Variants in SLC4A10 observed in about 807,000 individuals in gnomAD.
The protein encoded by SLC4A10 is sodium-driven chloride bicarbonate exchanger.
Under a neutral mutation model 137.7 loss-of-function variants are expected in SLC4A10, and 42 were observed. The ratio of observed to expected loss-of-function variants is 0.30; its 90% CI spans 0.24 to 0.39. The LOEUF (loss-of-function observed/expected upper bound fraction) is 0.39. Ranked by LOEUF, SLC4A10 falls within the 10% of genes least tolerant of loss-of-function variation. The probability of loss-of-function intolerance (pLI) is 1.00; values close to 1 mark genes in which losing one functional copy is unlikely to be tolerated. For synonymous variants in SLC4A10, 474 were observed against 464.1 expected, an observed-to-expected ratio of 1.02 and a Z score of -0.27; for missense variants, 925 against 1,355.0, an observed-to-expected ratio of 0.68 and a Z score of 4.98.
chr2:161,917,425 A>G (rs1687312117), intron 15 of SLC4A10, among the ~76,000 whole-genome samples: 1 of 151,948 alleles, frequency 6.6e-6, no homozygotes, highest in South Asian at 2.1e-4. Flanking sequence ...AGATAGTTGT[A>G]GATACCTAGA....
intron 21 of SLC4A10, among the ~76,000 whole-genome samples, chr2:161,959,191 C>A (rs965766326): frequency 6.6e-6 from 1 of 152,018 alleles, no homozygotes; most frequent in African/African-American, 2.4e-5. Flanking sequence ...CGGGGGTTTT[C>A]CCCCTTGTTT....
At chr2:161,889,726 A>T (rs1276092876) in intron 10 of SLC4A10, among the ~76,000 whole-genome samples, 1 of 152,090 alleles carries the variant, frequency 6.6e-6, no homozygotes, top group African/African-American at 2.4e-5. Flanking sequence ...TCTTTTCAAA[A>T]AACCAGCTCT....
At position 161,983,181 on chromosome 2, in the gene SLC4A10, T is replaced by C. The variant is rs1373433913; in HGVS notation, c.*29T>C. Reference sequence around the variant, plus strand: ...GTGTCCTTTTTTTCCTTCTGTAGCATTGAAAGCCGAAAAGAGAAGAAAGCT... The same window carrying C: ...GTGTCCTTTTTTTCCTTCTGTAGCACTGAAAGCCGAAAAGAGAAGAAAGCT... On this transcript the variant is annotated splice_region_variant and 3_prime_UTR_variant, in exon 27 of 27. Coordinates refer to ENST00000446997, the MANE Select transcript of SLC4A10 (RefSeq NM_001178015.2). 2 of 1,536,758 alleles carry C rather than the reference T, an allele frequency of 1.3e-6. No individual in the cohort carries two copies. The highest frequency in any genetic ancestry group is 1.2e-5 in the South Asian group (1 of 84,038).
intron 23 of SLC4A10, among the ~76,000 whole-genome samples, chr2:161,972,345 C>T (rs567325133): frequency 1.3e-5 from 2 of 152,232 alleles, no homozygotes; most frequent in African/African-American, 4.8e-5. Context: ...CCCCTGACCG[C>T]CAGGATGTGC....
chr2:161,761,532 C>T (rs765468109), intron 1 of SLC4A10, among the ~76,000 whole-genome samples: 12 of 151,792 alleles, frequency 7.9e-5, no homozygotes, highest in Non-Finnish European at 1.6e-4. Flanking sequence ...TCCAGAAGGA[C>T]CCTCAAGAAC....
intron 1 of SLC4A10, among the ~76,000 whole-genome samples, chr2:161,695,852 G>A (rs1180810199): frequency 6.6e-6 from 1 of 151,976 alleles, no homozygotes; most frequent in Non-Finnish European, 1.5e-5. Context: ...AGGAACAAAT[G>A]TTTAGTGATA....
At chr2:161,637,096 TATATAC>T (rs2034544275) in intron 1 of SLC4A10, among the ~76,000 whole-genome samples, 1 of 125,108 alleles carries the variant, frequency 8.0e-6, no homozygotes, top group African/African-American at 2.8e-5. Context: ...TACATATACG[TATATAC>T]GTATTTATGT....
At chr2:161,708,951 T>C (rs1259729655) in intron 1 of SLC4A10, 2 of 1,162,340 alleles carry the variant, frequency 1.7e-6, no homozygotes, top group Non-Finnish European at 2.3e-6. Context: ...CCTTAGGATA[T>C]TTGAACAAGT....
At chr2:161,696,774 A>G (rs1002671702) in intron 1 of SLC4A10, among the ~76,000 whole-genome samples, 30 of 152,088 alleles carry the variant, frequency 2.0e-4, no homozygotes, top group Non-Finnish European at 3.5e-4. Context: ...ATACGTGTGC[A>G]TGTGTCTTTA....
At chr2:161,668,632 A>C (rs1242545232) in intron 1 of SLC4A10, among the ~76,000 whole-genome samples, 1 of 151,896 alleles carries the variant, frequency 6.6e-6, no homozygotes, top group African/African-American at 2.4e-5. Context: ...AATATATTTT[A>C]CTGGTTCAGG....
At chr2:161,719,630 A>G (rs1216656344) in intron 1 of SLC4A10, among the ~76,000 whole-genome samples, 1 of 151,976 alleles carries the variant, frequency 6.6e-6, no homozygotes, top group Non-Finnish European at 1.5e-5. Flanking sequence ...TGTGGTTTTG[A>G]TTTGCATTTC....
Position 161,964,098 on chromosome 2 carries a change from T to C in SLC4A10, c.2863-37T>C, listed in dbSNP as rs2105909977. On this transcript the variant is annotated intron_variant, in intron 21 of 26. Coordinates refer to ENST00000446997, the MANE Select transcript of SLC4A10 (RefSeq NM_001178015.2). ...ACTTGTCCTACTTTTATTGTTGTCT[T>C]ACACCTAAAAACAATTTAGTCTGTT... 3 of 1,530,242 alleles carry C rather than the reference T, an allele frequency of 2.0e-6. No individual in the cohort carries two copies. In the Middle Eastern group the frequency reaches 5.1e-4, roughly 262 times the overall value. The allele number at this position is 1,530,242 out of a possible 1,614,324, so 94.8% of individuals were successfully genotyped here. A position where few individuals can be genotyped will look rare whatever the true frequency, so the allele number is the denominator to read the frequency against.
chr2:161,698,889 G>C (rs2042838803), intron 1 of SLC4A10, among the ~76,000 whole-genome samples: 1 of 152,146 alleles, frequency 6.6e-6, no homozygotes, highest in African/African-American at 2.4e-5. Context: ...AATGGTAGCA[G>C]CTCCTCCTTG....
At chr2:161,698,865 G>T (rs1420918956) in intron 1 of SLC4A10, among the ~76,000 whole-genome samples, 1 of 152,108 alleles carries the variant, frequency 6.6e-6, no homozygotes, top group Non-Finnish European at 1.5e-5. Context: ...ATTGATTGGA[G>T]TAGTTTCAGA....
chr2:161,964,238 T>C lies in SLC4A10; in HGVS notation c.2966T>C (p.Ile989Thr). The change falls in exon 22 of 27, where the codon ATT (isoleucine) becomes ACT (threonine). Residue 989 changes from isoleucine (I) to threonine (T), a missense_variant. This residue lies in a region of SLC4A10 where 115 missense variants were observed against 237.5 expected (regional missense o/e 0.48). Coordinates refer to ENST00000446997, the MANE Select transcript of SLC4A10 (RefSeq NM_001178015.2). ...CGAAAAGTGCATCTCTTCACAATTA[T>C]TCAGATGAGTTGCCTTGGCCTTTTG... ...PLRKVHLFTI[I>T]QMSCLGLLWI... is the part of the protein sequence containing the mutation. The C allele has an allele frequency of 6.2e-7, 1 of 1,613,630 alleles. No individual in the cohort carries two copies. Among genetic ancestry groups the C allele is most frequent in the East Asian group, 2.2e-5 (1 of 44,860 alleles).
chr2:161,940,301 T>C (rs1457489566), intron 15 of SLC4A10, among the ~76,000 whole-genome samples: 1 of 152,168 alleles, frequency 6.6e-6, no homozygotes, highest in Non-Finnish European at 1.5e-5. Flanking sequence ...CAGCGTTTCT[T>C]GTCTCCCTTC....
At chr2:161,933,189 TTCTTTCTTTC>T (rs1690798037) in intron 15 of SLC4A10, among the ~76,000 whole-genome samples, 1 of 54,492 alleles carries the variant, frequency 1.8e-5, no homozygotes, top group Non-Finnish European at 3.9e-5. Flanking sequence ...CTTCTTTTCT[TTCTTTCTTTC>T]TTTCTTTCTT....
intron 15 of SLC4A10, among the ~76,000 whole-genome samples, chr2:161,920,814 C>T (rs990611774): frequency 1.3e-5 from 2 of 152,192 alleles, no homozygotes; most frequent in African/African-American, 4.8e-5. Context: ...TCTGTTCATA[C>T]ATGTGCTTAC....
chr2:161,750,052 T>A (rs1359338365), intron 1 of SLC4A10, among the ~76,000 whole-genome samples: 1 of 151,878 alleles, frequency 6.6e-6, no homozygotes, highest in Non-Finnish European at 1.5e-5. Flanking sequence ...TTGTTTATAA[T>A]AGTCACTTGT....
Sources: gnomAD v4.1 joint callset for allele counts (sites outside exome capture counted in the v4.1 genomes callset) on GRCh38, gnomAD v4.1.1 for gene constraint, gnomAD v4.1.1 regional missense constraint, MANE v1.5 for transcripts, NCBI Gene and HGNC (gene_info 2026-07-23, HGNC 2026-07-21) for gene names.